The following NXPE4 variants were observed in gnomAD, a reference collection of about 807,000 sequenced individuals.
NXPE4 encodes neurexophilin and PC-esterase domain family member 4, also known as NXPE family member 4.
Under a neutral mutation model 33.3 loss-of-function variants are expected in NXPE4, and 42 were observed. The observed-to-expected ratio is 1.26, with a 90% CI of 0.98 to 1.63. The LOEUF is 1.63. NXPE4 is among the 40% of genes most tolerant of loss of function. NXPE4 has a pLI of 0.00. For synonymous variants in NXPE4, 253 were observed against 234.9 expected (o/e 1.08, Z -0.71); for missense variants, 709 against 647.6 (o/e 1.09, Z -1.03).
the NXPE4 span, among the ~76,000 whole-genome samples, chr11:114,627,119 C>T: frequency 6.6e-6 from 1 of 152,018 alleles, no homozygotes; most frequent in Non-Finnish European, 1.5e-5. Flanking sequence ...AGGAGAACTT[C>T]CCCAATCTAG....
chr11:114,583,654 T>C lies in NXPE4; in HGVS notation c.97-633A>G, dbSNP rs537110687. On this transcript the variant is annotated intron_variant, in intron 2 of 5. Transcript: ENST00000375478. ...AGCAGCAGATGGACACTGCTGTGAA[T>C]TGGGCTGGAGGCCTGCACCATGCAA... 1.7e-5 allele frequency: 10 copies of C among 588,164 alleles called. 1 individual carries two copies. Among genetic ancestry groups the C allele is most frequent in the South Asian group, 1.2e-4 (9 of 72,680 alleles). The allele number at this position is 588,164 out of a possible 1,614,324, so 36.4% of individuals were successfully genotyped here.
chr11:114,637,902 TC>T, the NXPE4 span, among the ~76,000 whole-genome samples: 2 of 152,042 alleles, frequency 1.3e-5, no homozygotes, highest in Non-Finnish European at 2.9e-5. Context: ...TAACATTTTT[TC>T]CTTCCTTTCA....
At chr11:114,647,611 C>G in the NXPE4 span, among the ~76,000 whole-genome samples, 155 of 152,158 alleles carry the variant, frequency 1.0e-3, 1 homozygote, top group Admixed American at 8.3e-3. Flanking sequence ...TTAATATTCT[C>G]TCTTTCAGCT....
At chr11:114,657,171 G>T in the NXPE4 span, among the ~76,000 whole-genome samples, 1 of 152,182 alleles carries the variant, frequency 6.6e-6, no homozygotes, top group Admixed American at 6.5e-5. Context: ...CAATTTTTCA[G>T]ATGCTAGGAC....
At chr11:114,668,941 A>C in the NXPE4 span, among the ~76,000 whole-genome samples, 1 of 152,142 alleles carries the variant, frequency 6.6e-6, no homozygotes, top group Non-Finnish European at 1.5e-5. Flanking sequence ...GATTAGAAGA[A>C]TGGAATCTCT....
At chr11:114,622,373 G>A in the NXPE4 span, among the ~76,000 whole-genome samples, 3 of 151,942 alleles carry the variant, frequency 2.0e-5, no homozygotes, top group Non-Finnish European at 4.4e-5. Flanking sequence ...CTGTTACCAA[G>A]TGGATAATAA....
the NXPE4 span, among the ~76,000 whole-genome samples, chr11:114,607,025 G>A: frequency 3.7e-5 from 5 of 134,214 alleles, no homozygotes; most frequent in Admixed American, 7.3e-5. Flanking sequence ...GAGTAATCAC[G>A]GTTACCCAGT....
chr11:114,609,343 A>T, the NXPE4 span, among the ~76,000 whole-genome samples: 1 of 151,662 alleles, frequency 6.6e-6, no homozygotes, highest in Non-Finnish European at 1.5e-5. Flanking sequence ...GTGTATAATA[A>T]GTAATGTCTC....
the NXPE4 span, among the ~76,000 whole-genome samples, chr11:114,663,659 TTATC>T: frequency 9.9e-6 from 1 of 101,072 alleles, no homozygotes; most frequent in Non-Finnish European, 2.2e-5. Flanking sequence ...TATCATCTAT[TTATC>T]TATCATCTAT....
At chr11:114,630,308 C>T in the NXPE4 span, among the ~76,000 whole-genome samples, 1 of 151,894 alleles carries the variant, frequency 6.6e-6, no homozygotes, top group Admixed American at 6.6e-5. Context: ...CAGCATGGTA[C>T]TGGTACCAAA....
the NXPE4 span, among the ~76,000 whole-genome samples, chr11:114,629,281 G>A: frequency 1.1e-4 from 16 of 152,138 alleles, no homozygotes; most frequent in African/African-American, 3.9e-4. Flanking sequence ...ATAAAATACT[G>A]GCAAACGGAA....
At chr11:114,669,100 A>G in the NXPE4 span, among the ~76,000 whole-genome samples, 1 of 152,058 alleles carries the variant, frequency 6.6e-6, no homozygotes, top group Non-Finnish European at 1.5e-5. Flanking sequence ...TTCAAAAACA[A>G]TAGAAATCAA....
At chr11:114,596,158 A>G (rs912205871), upstream of NXPE4, among the ~76,000 whole-genome samples, 2 of 152,224 alleles carry the variant, frequency 1.3e-5, no homozygotes, top group Admixed American at 1.3e-4. Context: ...TATCTCATAC[A>G]TAGTAGGTTT....
At chr11:114,670,084 G>C in the NXPE4 span, among the ~76,000 whole-genome samples, 1 of 151,970 alleles carries the variant, frequency 6.6e-6, no homozygotes, top group African/African-American at 2.4e-5. Context: ...TCAAAGACTG[G>C]TCTCAAAAAC....
chr11:114,609,776 G>A, the NXPE4 span, among the ~76,000 whole-genome samples: 2,378 of 151,692 alleles, frequency 0.016, 74 homozygotes, highest in African/African-American at 0.053. Flanking sequence ...ATTGCCTCGC[G>A]GGTAACCACA....
the NXPE4 span, among the ~76,000 whole-genome samples, chr11:114,650,995 C>T: frequency 3.3e-5 from 5 of 151,952 alleles, no homozygotes; most frequent in Non-Finnish European, 7.4e-5. Flanking sequence ...AACTCAGCCC[C>T]CACCCTAAGC....
chr11:114,672,439 G>A, the NXPE4 span, among the ~76,000 whole-genome samples: 6 of 151,766 alleles, frequency 4.0e-5, no homozygotes, highest in South Asian at 2.1e-4. Context: ...TGCAAAGGGC[G>A]TATTAAAAAC....
intron 2 of NXPE4, among the ~76,000 whole-genome samples, chr11:114,593,200 C>G (rs1317006012): frequency 2.0e-5 from 3 of 152,048 alleles, no homozygotes; most frequent in African/African-American, 7.2e-5. Context: ...CTAAAAACTT[C>G]TTCACAGCAA....
chr11:114,662,900 C>G, the NXPE4 span, among the ~76,000 whole-genome samples: 2 of 152,158 alleles, frequency 1.3e-5, no homozygotes, highest in African/African-American at 4.8e-5. Flanking sequence ...GCAGCAATAC[C>G]CAGGTACTAT....
Sources: gnomAD v4.1 joint callset for allele counts (sites outside exome capture counted in the v4.1 genomes callset) on GRCh38, gnomAD v4.1.1 for gene constraint, MANE v1.5 for transcripts, NCBI Gene and HGNC (gene_info 2026-07-23, HGNC 2026-07-21) for gene names.